HNRNPUL1: variants seen among roughly 807,000 people sequenced by gnomAD.
The protein encoded by HNRNPUL1 is heterogeneous nuclear ribonucleoprotein U-like protein 1.
A neutral mutation model predicts 108.5 loss-of-function variants in HNRNPUL1; 14 were observed. The ratio of observed to expected loss-of-function variants is 0.13; its 90% CI spans 0.09 to 0.20. The LOEUF is 0.20. Ranked by LOEUF, HNRNPUL1 falls within the 10% of genes least tolerant of loss-of-function variation. The probability of loss-of-function intolerance (pLI) is 1.00; values close to 1 mark genes in which losing one functional copy is unlikely to be tolerated. For missense variants in HNRNPUL1, 804 were observed against 1,168.3 expected, an observed-to-expected ratio of 0.69 and a Z score of 4.55; for synonymous variants, 422 against 445.2, an observed-to-expected ratio of 0.95 and a Z score of 0.66.
At chr19:41,263,136 TTGTC>T (rs1287930590), upstream of HNRNPUL1, 4 of 152,138 alleles carry the variant, frequency 2.6e-5, no homozygotes, top group Admixed American at 1.3e-4. Flanking sequence ...GGGTGTGCCT[TTGTC>T]TGAGTAGAGA....
chr19:41,284,864 C>CA (rs2036122937), intron 7 of HNRNPUL1, among the ~76,000 whole-genome samples: 1 of 151,706 alleles, frequency 6.6e-6, no homozygotes, highest in South Asian at 2.1e-4. Flanking sequence ...GGCGTGGTGG[C>CA]CAGCGCCTGT....
Position 41,264,407 on chromosome 19 carries a change from C to T in HNRNPUL1, c.-97C>T, listed in dbSNP as rs1441742902. On this transcript the variant is annotated 5_prime_UTR_variant, in exon 1 of 15. Coordinates refer to ENST00000392006, the MANE Select transcript of HNRNPUL1 (RefSeq NM_007040.6). ...GCTGCCGCCATTGGAGTGGGCCCCC[C>T]CCCTTTCCCCCTTCGCCTCCTGACA... The T allele has an allele frequency of 1.9e-6, 2 of 1,072,792 alleles. No homozygotes were observed. The highest frequency in any genetic ancestry group is 2.4e-6 in the Non-Finnish European group (2 of 826,432). 66.5% of individuals were successfully genotyped at this position (1,072,792 alleles called of 1,614,324 possible).
chr19:41,277,339 G>A (rs921402953), intron 5 of HNRNPUL1, among the ~76,000 whole-genome samples: 8 of 152,112 alleles, frequency 5.3e-5, no homozygotes, highest in Non-Finnish European at 8.8e-5. Flanking sequence ...AGTACCATCT[G>A]GAAACAGGTA....
chr19:41,293,946 G>C (rs189521453), intron 8 of HNRNPUL1, among the ~76,000 whole-genome samples: 1 of 152,192 alleles, frequency 6.6e-6, no homozygotes, highest in Non-Finnish European at 1.5e-5. Context: ...GTTCAAGGCT[G>C]CAGTGAGCTG....
At chr19:41,266,915 G>A (rs1341562863) in intron 1 of HNRNPUL1, among the ~76,000 whole-genome samples, 1 of 152,226 alleles carries the variant, frequency 6.6e-6, no homozygotes, top group African/African-American at 2.4e-5. Flanking sequence ...GGGCCTGTGT[G>A]TGTGTCTAGA....
chr19:41,304,871 A>C (rs941977370), intron 13 of HNRNPUL1, among the ~76,000 whole-genome samples: 1 of 152,200 alleles, frequency 6.6e-6, no homozygotes, highest in African/African-American at 2.4e-5. Context: ...CAGGAGACCA[A>C]TGGATGGTTC....
rs1568464506 is a variant in HNRNPUL1, at chr19:41,306,567, C to CA, written c.*3dup. 6.6e-7 allele frequency: 1 copy of CA among 1,521,394 alleles called. No individual in the cohort carries two copies. The highest frequency in any genetic ancestry group is 1.3e-5 in the South Asian group (1 of 78,082). 94.2% of individuals were successfully genotyped at this position (1,521,394 alleles called of 1,614,324 possible). A position where few individuals can be genotyped will look rare whatever the true frequency, so the allele number is the denominator to read the frequency against. On this transcript the variant is annotated 3_prime_UTR_variant, in exon 15 of 15. Transcript: ENST00000392006. ...CAGGGTGGCACAAGTACACAGTAGC[C>CA]AGTGTGACCCAGAGGCTCCCGGAGG...
intron 1 of HNRNPUL1, chr19:41,265,319 C>T (rs1349811227): frequency 2.8e-6 from 4 of 1,435,258 alleles, no homozygotes; most frequent in Admixed American, 4.5e-5. Flanking sequence ...CCGCTGGATG[C>T]GATCCTGGGC....
At position 41,272,196 on chromosome 19, in the gene HNRNPUL1, A is replaced by G. The variant is rs2035279653; in HGVS notation, c.533A>G (p.Asn178Ser). ...AGTCGAAAGAGGCCTTATGAAGAAA[A>G]CCGGGGACGGGGGTACTTTGAGCAC... ...FQSRKRPYEE[N>S]RGRGYFEHRE... is the part of the protein sequence containing the mutation. The change falls in exon 3 of 15, where the codon AAC becomes AGC. Residue 178 changes from asparagine (N) to serine (S), a missense_variant. Physicochemically the swap from Asn to Ser is conservative, Grantham distance 46. This residue lies in a region of HNRNPUL1 where 256 missense variants were observed against 261.6 expected (regional missense o/e 0.98). Transcript: ENST00000392006. 1 of 1,613,778 alleles carries G rather than the reference A, an allele frequency of 6.2e-7. No individual in the cohort carries two copies. Among genetic ancestry groups the G allele is most frequent in the African/African-American group, 1.3e-5 (1 of 74,836 alleles).
intron 7 of HNRNPUL1, among the ~76,000 whole-genome samples, chr19:41,287,836 A>G (rs1352014009): frequency 1.3e-5 from 2 of 152,134 alleles, no homozygotes; most frequent in East Asian, 3.8e-4. Flanking sequence ...CTGGGATTAC[A>G]GGTGTCAGCC....
chr19:41,281,477 T>G (rs1217274653), intron 7 of HNRNPUL1, among the ~76,000 whole-genome samples: 1 of 151,972 alleles, frequency 6.6e-6, no homozygotes, highest in African/African-American at 2.4e-5. Flanking sequence ...GTGTGCAAAG[T>G]TTTCAGATGA....
At chr19:41,284,687 G>A (rs774195465) in intron 7 of HNRNPUL1, among the ~76,000 whole-genome samples, 4 of 151,710 alleles carry the variant, frequency 2.6e-5, no homozygotes, top group Admixed American at 6.6e-5. Flanking sequence ...TTTTGTGTAG[G>A]TACAGAGTTG....
chr19:41,272,363 C>A, intron 3 of HNRNPUL1, 128 bp downstream of exon 3: 1 of 953,354 alleles, frequency 1.0e-6, no homozygotes, highest in Non-Finnish European at 1.6e-6. Context: ...TCACACTCTT[C>A]CTGTCCCTTC....
chr19:41,297,710 C>G (rs909087086), intron 10 of HNRNPUL1, among the ~76,000 whole-genome samples: 2 of 152,202 alleles, frequency 1.3e-5, no homozygotes, highest in Non-Finnish European at 2.9e-5. Context: ...TTAGAGGGCT[C>G]TAACAGCTAG....
chr19:41,289,243 A>G (rs1386160642), intron 7 of HNRNPUL1, among the ~76,000 whole-genome samples: 1 of 152,232 alleles, frequency 6.6e-6, no homozygotes, highest in African/African-American at 2.4e-5. Context: ...CCACAACTTT[A>G]AAAAGGCTCA....
At chr19:41,291,135 C>T (rs1777592084) in intron 7 of HNRNPUL1, among the ~76,000 whole-genome samples, 1 of 152,204 alleles carries the variant, frequency 6.6e-6, no homozygotes, top group Non-Finnish European at 1.5e-5. Flanking sequence ...CTGCATGGCT[C>T]TTCAGCTGTT....
At chr19:41,288,802 C>A (rs560960956) in intron 7 of HNRNPUL1, among the ~76,000 whole-genome samples, 1 of 152,068 alleles carries the variant, frequency 6.6e-6, no homozygotes, top group Non-Finnish European at 1.5e-5. Context: ...CAGATAAATG[C>A]GGCTTGTCTT....
chr19:41,266,708 C>A (rs529355319), intron 1 of HNRNPUL1, among the ~76,000 whole-genome samples: 1 of 152,042 alleles, frequency 6.6e-6, no homozygotes, highest in Non-Finnish European at 1.5e-5. Context: ...CACCCTGGGA[C>A]TTGGGGCTAA....
Position 41,264,949 on chromosome 19 carries a change from G to C in HNRNPUL1, c.295+151G>C, listed in dbSNP as rs1297550976. 5 of 1,340,186 alleles carry C rather than the reference G, an allele frequency of 3.7e-6. No individual in the cohort carries two copies. In the African/African-American group the frequency reaches 7.7e-5, roughly 21 times the overall value. The allele number at this position is 1,340,186 out of a possible 1,614,324, so 83.0% of individuals were successfully genotyped here. On this transcript the variant is annotated intron_variant, in intron 1 of 14. Transcript: ENST00000392006. ...CCGCCGAAAAGGATCTGGGGACCAG[G>C]GCCCCAGCACGACCGGAGGGTGGAT...
Sources: gnomAD v4.1 joint callset for allele counts (sites outside exome capture counted in the v4.1 genomes callset) on GRCh38, gnomAD v4.1.1 for gene constraint, gnomAD v4.1.1 regional missense constraint, MANE v1.5 for transcripts, NCBI Gene and HGNC (gene_info 2026-07-23, HGNC 2026-07-21) for gene names.